Variants in KANK4 observed in about 807,000 individuals in gnomAD.
KANK4 encodes the protein KN motif and ankyrin repeat domain-containing protein 4.
A neutral mutation model predicts 80.8 loss-of-function variants in KANK4; 50 were observed. The observed-to-expected ratio is 0.62, with a 90% CI of 0.49 to 0.78. The LOEUF is 0.78. Among genes scored for constraint, KANK4 ranks in the 30% least tolerant of loss-of-function variants. The probability of loss-of-function intolerance (pLI) is 0.00; values close to 1 mark genes in which losing one functional copy is unlikely to be tolerated. For missense variants in KANK4, 1,196 were observed against 1,240.1 expected (o/e 0.96, Z 0.53); for synonymous variants, 465 against 506.9 (o/e 0.92, Z 1.11).
intron 5 of KANK4, among the ~76,000 whole-genome samples, chr1:62,267,322 C>G (rs1320558670): frequency 3.3e-5 from 5 of 152,192 alleles, no homozygotes; most frequent in Non-Finnish European, 7.3e-5. Flanking sequence ...GCTGGGTGTC[C>G]ACAGTGACAA....
intron 2 of KANK4, among the ~76,000 whole-genome samples, chr1:62,278,478 C>T (rs534295385): frequency 1.1e-4 from 17 of 151,058 alleles, no homozygotes; most frequent in Middle Eastern, 3.4e-3. Context: ...TTGCAACCTC[C>T]GCCTCCCAGG....
chr1:62,257,467 G>C (rs184663252), intron 7 of KANK4, among the ~76,000 whole-genome samples: 1 of 152,338 alleles, frequency 6.6e-6, no homozygotes, highest in East Asian at 1.9e-4. Context: ...TGACAGAGGA[G>C]CAAGGCTCTC....
At chr1:62,255,531 C>T (rs543450585) in intron 7 of KANK4, among the ~76,000 whole-genome samples, 11 of 152,036 alleles carry the variant, frequency 7.2e-5, no homozygotes, top group African/African-American at 2.7e-4. Context: ...TTATGTAGCT[C>T]CTTTGGGCAA....
At chr1:62,279,085 G>A (rs1672388553) in intron 2 of KANK4, among the ~76,000 whole-genome samples, 1 of 152,290 alleles carries the variant, frequency 6.6e-6, no homozygotes, top group South Asian at 2.1e-4. Context: ...AGAAACAGCA[G>A]ATTCAAAGGC....
intron 7 of KANK4, 46 bp from the exon 8 acceptor site, chr1:62,253,255 G>T: frequency 6.4e-7 from 1 of 1,558,652 alleles, no homozygotes; most frequent in Non-Finnish European, 8.6e-7. Context: ...GAGGGGCCAG[G>T]AGCCAGACTC....
intron 1 of KANK4, among the ~76,000 whole-genome samples, chr1:62,293,769 C>T (rs2149162024): frequency 6.6e-6 from 1 of 152,286 alleles, no homozygotes; most frequent in East Asian, 1.9e-4. Context: ...GGTATTAGTG[C>T]AGAAGACATT....
Position 62,274,673 on chromosome 1 carries a change from T to C in KANK4, c.431A>G (p.Glu144Gly), listed in dbSNP as rs1418250436. The C allele has an allele frequency of 1.2e-6, 2 of 1,614,240 alleles. No homozygotes were observed. Among genetic ancestry groups the C allele is most frequent in the African/African-American group, 2.7e-5 (2 of 75,058 alleles). ...AEATRQLEAAEPEDAELTFGS... is the reference protein window; with the variant it reads ...AEATRQLEAAGPEDAELTFGS... ...AAAAGTGAGCTCGGCATCCTCTGGC[T>C]CAGCAGCTTCCAACTGTCTGGTGGC... The change falls in exon 3 of 10, where the codon GAG (glutamate) becomes GGG (glycine). Residue 144 changes from glutamate to glycine, a missense_variant. Transcript: ENST00000371153.
chr1:62,318,220 T>A (rs893488148), intron 1 of KANK4, among the ~76,000 whole-genome samples: 1 of 152,120 alleles, frequency 6.6e-6, no homozygotes, highest in Non-Finnish European at 1.5e-5. Flanking sequence ...GGGGTCCTCC[T>A]CCCTCTCCTG....
At chr1:62,275,227 C>T (rs1672281991) in intron 2 of KANK4, 140 bp from the exon 3 acceptor site, 2 of 642,546 alleles carry the variant, frequency 3.1e-6, no homozygotes, top group Admixed American at 3.0e-5. Flanking sequence ...CGAAATTATG[C>T]TGAGATGCTC....
At chr1:62,242,316 C>A (rs114244834) in intron 9 of KANK4, among the ~76,000 whole-genome samples, 1 of 125,648 alleles carries the variant, frequency 8.0e-6, no homozygotes, top group Non-Finnish European at 1.6e-5. Context: ...AAGCCATGAT[C>A]GTGCCACTGC....
At chr1:62,247,731 T>C (rs1671506697) in intron 8 of KANK4, 59 bp from the exon 9 acceptor site, 4 of 1,457,324 alleles carry the variant, frequency 2.7e-6, no homozygotes, top group Non-Finnish European at 2.9e-6. Context: ...GGACCCCCTC[T>C]CCAGCCTGGG....
At chr1:62,251,721 C>T (rs2774938) in intron 8 of KANK4, among the ~76,000 whole-genome samples, 113,173 of 152,084 alleles carry the variant, frequency 0.74, 42,251 homozygotes, top group East Asian at 0.83. Flanking sequence ...AGGCCGGGCG[C>T]GGTGGCTCAC....
chr1:62,263,904 AC>A (rs1398775003), intron 6 of KANK4, among the ~76,000 whole-genome samples: 1 of 152,202 alleles, frequency 6.6e-6, no homozygotes, highest in Admixed American at 6.5e-5. Flanking sequence ...CCACGGCAGG[AC>A]CCTGCTATCT....
chr1:62,237,904 T>A lies in KANK4; in HGVS notation c.*373A>T, dbSNP rs1233057233. 5.9e-6 allele frequency: 1 copy of A among 170,388 alleles called. No individual in the cohort carries two copies. The allele number at this position is 170,388 out of a possible 1,614,324, so 10.6% of individuals were successfully genotyped here. A position where few individuals can be genotyped will look rare whatever the true frequency, so the allele number is the denominator to read the frequency against. ...AGATAGTGCACTGTAAAATTCCATG[T>A]AAAAAGTATTGCTTTTCTAATGTGC... On this transcript the variant is annotated 3_prime_UTR_variant, in exon 10 of 10. Transcript: ENST00000371153.
chr1:62,296,567 T>G (rs1644366149), intron 1 of KANK4, among the ~76,000 whole-genome samples: 1 of 152,178 alleles, frequency 6.6e-6, no homozygotes, highest in Non-Finnish European at 1.5e-5. Flanking sequence ...TTTTTGTTTT[T>G]TTGAGACAGG....
At chr1:62,243,294 A>C (rs1396943270) in intron 9 of KANK4, among the ~76,000 whole-genome samples, 1 of 151,936 alleles carries the variant, frequency 6.6e-6, no homozygotes, top group Non-Finnish European at 1.5e-5. Flanking sequence ...TGTTTGCCTA[A>C]ACCAGGCATT....
At chr1:62,248,147 A>G (rs560594300) in intron 8 of KANK4, among the ~76,000 whole-genome samples, 4 of 152,194 alleles carry the variant, frequency 2.6e-5, no homozygotes, top group African/African-American at 9.6e-5. Context: ...AATGCCTCTG[A>G]AATTTTCAGT....
At chr1:62,257,601 TAC>T (rs1268971036) in intron 7 of KANK4, among the ~76,000 whole-genome samples, 1 of 152,178 alleles carries the variant, frequency 6.6e-6, no homozygotes, top group African/African-American at 2.4e-5. Flanking sequence ...GTCACTTCTG[TAC>T]ACCCCTTTAC....
chr1:62,292,473 C>T (rs1672699147), intron 1 of KANK4, among the ~76,000 whole-genome samples: 1 of 152,146 alleles, frequency 6.6e-6, no homozygotes, highest in Non-Finnish European at 1.5e-5. Context: ...TCAAATCCTA[C>T]CCATTCCTCT....
Sources: allele counts gnomAD v4.1 joint callset (sites outside exome capture counted in the v4.1 genomes callset), GRCh38; gene constraint gnomAD v4.1.1; transcripts MANE v1.5; gene names NCBI Gene and HGNC (gene_info 2026-07-23, HGNC 2026-07-21).